The following ZNF592 variants were observed in gnomAD, a reference collection of about 807,000 sequenced individuals.
ZNF592 encodes spinocerebellar ataxia, autosomal recessive 5.
ZNF592 carries 11 observed loss-of-function variants against 80.3 expected under a neutral mutation model. The ratio of observed to expected loss-of-function variants is 0.14; its 90% CI spans 0.09 to 0.23. The LOEUF (loss-of-function observed/expected upper bound fraction) is 0.23. Ranked by LOEUF, ZNF592 falls within the 10% of genes least tolerant of loss-of-function variation. ZNF592 has a pLI of 1.00. For missense variants in ZNF592, 1,420 were observed against 1,633.9 expected (o/e 0.87, Z 2.26); for synonymous variants, 646 against 640.3 (o/e 1.01, Z -0.13).
Position 84,783,482 on chromosome 15 carries a change from C to A in ZNF592, c.807C>A (p.Pro269=). The A allele has an allele frequency of 6.2e-7, 1 of 1,614,214 alleles. No individual in the cohort carries two copies. The highest frequency in any genetic ancestry group is 8.5e-7 in the Non-Finnish European group (1 of 1,180,038). ...AGCTTGGTACCTGCTCATCAGTCCC[C>A]CCTAGGCAGCGTCTAAAGCCAGCTC... is the stretch of plus-strand genomic sequence containing the variant. The part of the protein sequence containing the change: ...ARELGTCSSV[P]PRQRLKPAHS... The change falls in exon 4 of 11, where the codon CCC becomes CCA. Residue 269 remains proline (P), a synonymous_variant. Transcript: ENST00000560079. This position sits in a 1 kb window ranked among gnomAD's most constrained non-coding sequence, Gnocchi z 5.0.
In ZNF592 at chr15:84,782,929, A is replaced by G. The variant is rs766325175; in HGVS notation, c.254A>G (p.His85Arg). 5.6e-6 allele frequency: 9 copies of G among 1,614,080 alleles called. No individual in the cohort carries two copies. The highest frequency in any genetic ancestry group is 5.0e-5 in the Admixed American group (3 of 60,006). Residue 85 changes from histidine to arginine, a missense_variant, in exon 4 of 11, where the codon CAC becomes CGC. His to Arg is a conservative substitution (Grantham distance 29). This residue lies in a region of ZNF592 where 373 missense variants were observed against 355.5 expected (regional missense o/e 1.05). Coordinates refer to ENST00000560079, the MANE Select transcript of ZNF592 (RefSeq NM_014630.3). ...RQESFEAEKD[H>R]ITPSLLHNGF... ...GAGTCATTTGAAGCGGAGAAAGACC[A>G]CATTACTCCCAGTCTCCTACACAAT...
chr15:84,787,517 C>T (rs1319733773), intron 4 of ZNF592, among the ~76,000 whole-genome samples: 1 of 152,190 alleles, frequency 6.6e-6, no homozygotes, highest in Non-Finnish European at 1.5e-5. Context: ...AGTTGGGCTC[C>T]ACACCACAGC....
chr15:84,776,712 T>C (rs1286902482), intron 2 of ZNF592, among the ~76,000 whole-genome samples: 1 of 151,786 alleles, frequency 6.6e-6, no homozygotes, highest in African/African-American at 2.4e-5. Flanking sequence ...GCCAAGATCA[T>C]GCCACTGCAC....
rs113679934 is a variant in ZNF592 at position 84,794,373 on chromosome 15, C to T, written c.2399+3490C>T. Among the ~76,000 whole-genome samples, 1,015 of 152,270 alleles carry T rather than the reference C, an allele frequency of 6.7e-3. 8 individuals are homozygous for T. Among genetic ancestry groups the T allele is most frequent in the African/African-American group, 0.022 (920 of 41,542 alleles). Reference sequence around the variant, plus strand: ...AGGTTTTGATTTCTGTACACCCTTGCCAACACTTGTTATTGTCTTTTTGAT... The same window carrying T: ...AGGTTTTGATTTCTGTACACCCTTGTCAACACTTGTTATTGTCTTTTTGAT... On this transcript the variant is annotated intron_variant, in intron 5 of 10. Transcript: ENST00000560079.
chr15:84,792,884 C>A (rs760437150), intron 5 of ZNF592, among the ~76,000 whole-genome samples: 1 of 152,182 alleles, frequency 6.6e-6, no homozygotes, highest in Non-Finnish European at 1.5e-5. Context: ...TGCTGAGGAG[C>A]ATTGCTTGGC....
intron 10 of ZNF592, among the ~76,000 whole-genome samples, chr15:84,800,363 C>A (rs995748654): frequency 2.6e-5 from 4 of 152,170 alleles, no homozygotes; most frequent in African/African-American, 4.8e-5. Flanking sequence ...AACTCACCCC[C>A]CAACCTTCTC....
intron 2 of ZNF592, among the ~76,000 whole-genome samples, chr15:84,765,723 G>A (rs1291904028): frequency 6.6e-6 from 1 of 151,824 alleles, no homozygotes; most frequent in Non-Finnish European, 1.5e-5. Flanking sequence ...ATTTTCAGTA[G>A]AGACGGGGTT....
intron 5 of ZNF592, 82 bp from the exon 6 acceptor site, chr15:84,797,787 C>T: frequency 6.6e-7 from 1 of 1,508,522 alleles, no homozygotes; most frequent in Non-Finnish European, 9.2e-7. Context: ...TCCTCTTCTC[C>T]ATCCCTCCTC....
Position 84,799,100 on chromosome 15 carries a change from A to C in ZNF592, c.3027A>C (p.Thr1009=). ...TGTGTTGCCACCTCCTTCCTTAGACATTGAAGCGGTACCCATGCCGGCAGT... is the reference window on the plus strand; with the variant it reads ...TGTGTTGCCACCTCCTTCCTTAGACCTTGAAGCGGTACCCATGCCGGCAGT... ...VSHMKKSHGR[T]LKRYPCRQCE... The change falls in exon 9 of 11, where the codon ACA becomes ACC. Residue 1009 remains threonine (T), a splice_region_variant and synonymous_variant. Coordinates refer to ENST00000560079, the MANE Select transcript of ZNF592 (RefSeq NM_014630.3). This position sits in a 1 kb window ranked among gnomAD's most constrained non-coding sequence, Gnocchi z 4.2. 6.2e-7 allele frequency: 1 copy of C among 1,614,166 alleles called. No individual in the cohort carries two copies. Among genetic ancestry groups the C allele is most frequent in the Non-Finnish European group, 8.5e-7 (1 of 1,180,024 alleles).
intron 2 of ZNF592, among the ~76,000 whole-genome samples, chr15:84,776,641 A>G (rs536084541): frequency 6.6e-6 from 1 of 152,364 alleles, no homozygotes; most frequent in South Asian, 2.1e-4. Flanking sequence ...CTGTAATCCC[A>G]GCTGCTCAGG....
chr15:84,763,727 C>T (rs1322116638), intron 1 of ZNF592, among the ~76,000 whole-genome samples: 2 of 152,048 alleles, frequency 1.3e-5, no homozygotes, highest in Non-Finnish European at 2.9e-5. Flanking sequence ...GTTGGTCTGT[C>T]AAAACTGGAC....
rs1963203149 is a variant in ZNF592, at chr15:84,805,043, T to G, written c.*2650T>G. ...GACAGGCTGCCAGCTTGTCAGTGGT[T>G]TGCAGCCCCCCAGACATTTGCTTTC... On this transcript the variant is annotated 3_prime_UTR_variant, in exon 11 of 11. Transcript: ENST00000560079. The G allele has an allele frequency of 6.6e-6, 1 of 152,208 alleles. No homozygotes were observed. Among genetic ancestry groups the G allele is most frequent in the African/African-American group, 2.4e-5 (1 of 41,452 alleles). 9.4% of individuals were successfully genotyped at this position (152,208 alleles called of 1,614,324 possible). A position where few individuals can be genotyped will look rare whatever the true frequency, so the allele number is the denominator to read the frequency against.
Position 84,801,843 on chromosome 15 carries a change from C to T in ZNF592, c.3274-20C>T, listed in dbSNP as rs139253866. On this transcript the variant is annotated intron_variant, in intron 10 of 10. Transcript: ENST00000560079. The stretch of plus-strand genomic sequence containing the variant: ...TCCAGGGCTTGGCCTGGACTTTGCT[C>T]ATGCTGTCTCTCCTTTTAGGTGAAC... 9.0e-5 allele frequency: 145 copies of T among 1,613,884 alleles called. 1 individual carries two copies. In the East Asian group the frequency reaches 3.1e-3, roughly 35 times the overall value.
At chr15:84,755,474 C>T (rs1251416603) in intron 1 of ZNF592, among the ~76,000 whole-genome samples, 1 of 151,902 alleles carries the variant, frequency 6.6e-6, no homozygotes, top group African/African-American at 2.4e-5. Flanking sequence ...TAAGGGTCTT[C>T]CTCCATAAAA....
In ZNF592 at chr15:84,799,162, A is replaced by G. The variant is rs1306206892; in HGVS notation, c.3089A>G (p.Lys1030Arg). The change falls in exon 9 of 11, where the codon AAA (lysine) becomes AGA (arginine). Residue 1030 changes from lysine to arginine, a missense_variant. Physicochemically the swap from Lys to Arg is conservative, Grantham distance 26 (BLOSUM62 2). Transcript: ENST00000560079. This position sits in a 1 kb window ranked among gnomAD's most constrained non-coding sequence, Gnocchi z 4.2. ...QSFHTPNSLR[K>R]HIRNNHDTVK... ...TTCCACACCCCCAACAGCCTGCGCA[A>G]ACACATCCGCAACAACCATGACACA... 1.2e-6 allele frequency: 2 copies of G among 1,614,142 alleles called. No homozygotes were observed. The highest frequency in any genetic ancestry group is 1.7e-6 in the Non-Finnish European group (2 of 1,180,032).
chr15:84,790,173 C>G lies in ZNF592; in HGVS notation c.2221-532C>G, dbSNP rs78937355. Among the ~76,000 whole-genome samples, 732 of 149,760 alleles carry G rather than the reference C, an allele frequency of 4.9e-3. 42 individuals carry two copies. In the East Asian group the frequency reaches 0.13, roughly 26 times the overall value. On this transcript the variant is annotated intron_variant, in intron 4 of 10. Transcript: ENST00000560079. ...AGAGCAATGGAAACTGACAAGACCA[C>G]TCAGTCAGTCTTTATTGAGAGCCTT...
Position 84,802,576 on chromosome 15 carries a change from C to T in ZNF592, c.*183C>T, listed in dbSNP as rs1383424294. 43 of 686,816 alleles carry T rather than the reference C, an allele frequency of 6.3e-5. 1 individual carries two copies. The South Asian group carries it at 7.7e-4, about 12-fold the overall frequency. The allele number at this position is 686,816 out of a possible 1,614,324, so 42.5% of individuals were successfully genotyped here. A position where few individuals can be genotyped will look rare whatever the true frequency, so the allele number is the denominator to read the frequency against. ...CCAGCCCCAGGAAATGTGGGGTCGGCCAGGACCCTCACAGCTCTGAATTTG... is the reference window on the plus strand; with the variant it reads ...CCAGCCCCAGGAAATGTGGGGTCGGTCAGGACCCTCACAGCTCTGAATTTG... On this transcript the variant is annotated 3_prime_UTR_variant, in exon 11 of 11. Transcript: ENST00000560079.
chr15:84,801,782 A>C, intron 10 of ZNF592, 81 bp from the exon 11 acceptor site: 1 of 1,607,444 alleles, frequency 6.2e-7, no homozygotes, highest in Non-Finnish European at 8.5e-7. Context: ...GCTTTCTTTG[A>C]GTCCTTGGGC....
chr15:84,782,590 G>A (rs1412428779), intron 3 of ZNF592, 67 bp from the exon 4 acceptor site: 2 of 1,420,794 alleles, frequency 1.4e-6, no homozygotes, highest in Non-Finnish European at 2.0e-6. Flanking sequence ...AGTTTGATGG[G>A]TGTGTAGTGA....
Sources: gnomAD v4.1 joint callset for allele counts (sites outside exome capture counted in the v4.1 genomes callset) on GRCh38, gnomAD v4.1.1 for gene constraint, gnomAD v4.1.1 regional missense constraint, Gnocchi (gnomAD v3.1) non-coding constraint, MANE v1.5 for transcripts, NCBI Gene and HGNC (gene_info 2026-07-23, HGNC 2026-07-21) for gene names.